PRKG1: variants seen among roughly 807,000 people sequenced by gnomAD.
PRKG1 encodes cGMP-dependent protein kinase 1.
In PRKG1, 35 loss-of-function variants were observed where a neutral mutation model predicts 88.1. The observed-to-expected ratio is 0.40, with a 90% CI of 0.30 to 0.53. PRKG1 has a LOEUF of 0.53. PRKG1 is among the 20% of genes least tolerant of loss of function. The pLI is 0.59. For missense variants in PRKG1, 540 were observed against 839.8 expected, an observed-to-expected ratio of 0.64 and a Z score of 4.41; for synonymous variants, 303 against 292.5, an observed-to-expected ratio of 1.04 and a Z score of -0.37.
intron 2 of PRKG1, among the ~76,000 whole-genome samples, chr10:51,410,787 A>G (rs192937525): frequency 6.6e-6 from 1 of 151,770 alleles, no homozygotes; most frequent in Admixed American, 6.6e-5. Context: ...TATAAAATAA[A>G]TATGTTAAAT....
intron 1 of PRKG1, among the ~76,000 whole-genome samples, chr10:51,065,384 ATCAAGACACATTAT>A (rs1425785805): frequency 6.6e-6 from 1 of 152,114 alleles, no homozygotes; most frequent in African/African-American, 2.4e-5. Flanking sequence ...GTAGTTGGAT[ATCAAGACACATTAT>A]TTCCTAGAAA....
chr10:52,155,483 C>A (rs530016107), intron 8 of PRKG1, among the ~76,000 whole-genome samples: 2 of 151,824 alleles, frequency 1.3e-5, no homozygotes, highest in Admixed American at 1.3e-4. Context: ...TGTAACCAGG[C>A]GTGTCCTACA....
chr10:51,242,471 G>A (rs569939478), intron 2 of PRKG1, among the ~76,000 whole-genome samples: 8 of 152,208 alleles, frequency 5.3e-5, no homozygotes, highest in African/African-American at 1.7e-4. Context: ...CCACTACATT[G>A]GTGCAGTAAA....
chr10:51,813,181 G>A (rs997307006), intron 4 of PRKG1, among the ~76,000 whole-genome samples: 4 of 152,114 alleles, frequency 2.6e-5, no homozygotes, highest in South Asian at 2.1e-4. Flanking sequence ...TAAGCCATTA[G>A]CACAAAAGCA....
At chr10:51,783,093 CA>C (rs1004865031) in intron 3 of PRKG1, among the ~76,000 whole-genome samples, 33 of 152,046 alleles carry the variant, frequency 2.2e-4, no homozygotes, top group African/African-American at 8.0e-4. Context: ...TAGAAAAAAA[CA>C]AAATAAAACT....
intron 8 of PRKG1, among the ~76,000 whole-genome samples, chr10:52,139,022 C>T (rs935577970): frequency 2.6e-5 from 4 of 151,980 alleles, no homozygotes; most frequent in African/African-American, 9.7e-5. Context: ...CTGGAGTTGG[C>T]AAACTAAAGA....
At chr10:51,676,861 A>G (rs910852524) in intron 3 of PRKG1, among the ~76,000 whole-genome samples, 1 of 152,204 alleles carries the variant, frequency 6.6e-6, no homozygotes, top group Non-Finnish European at 1.5e-5. Context: ...ATGTAATTAA[A>G]TGATCATCCT....
chr10:52,127,882 G>T (rs2132623984), intron 7 of PRKG1, among the ~76,000 whole-genome samples: 1 of 152,256 alleles, frequency 6.6e-6, no homozygotes, highest in South Asian at 2.1e-4. Context: ...ATTAGTGATT[G>T]ACCTGATATG....
chr10:51,941,040 AT>A (rs773149728), intron 5 of PRKG1, among the ~76,000 whole-genome samples: 8 of 151,962 alleles, frequency 5.3e-5, no homozygotes, highest in African/African-American at 9.7e-5. Flanking sequence ...TAGCAAAAAA[AT>A]CACTCTATTT....
intron 3 of PRKG1, among the ~76,000 whole-genome samples, chr10:51,509,756 C>T (rs552879588): frequency 6.6e-6 from 1 of 152,294 alleles, no homozygotes; most frequent in African/African-American, 2.4e-5. Flanking sequence ...GAGGTGGCTT[C>T]ATCTCCATTT....
chr10:52,025,074 T>A (rs1211058210), intron 5 of PRKG1, among the ~76,000 whole-genome samples: 3 of 152,262 alleles, frequency 2.0e-5, no homozygotes, highest in African/African-American at 7.2e-5. Context: ...ATTTCTCTGA[T>A]GACCAGTGAT....
At chr10:51,944,365 T>C (rs1242336562) in intron 5 of PRKG1, among the ~76,000 whole-genome samples, 3 of 152,126 alleles carry the variant, frequency 2.0e-5, no homozygotes, top group South Asian at 4.2e-4. Flanking sequence ...ATTAGTCTTG[T>C]TAGCAGTCTA....
chr10:51,159,164 A>G (rs981509834), intron 2 of PRKG1, among the ~76,000 whole-genome samples: 4 of 152,126 alleles, frequency 2.6e-5, no homozygotes, highest in Admixed American at 6.6e-5. Context: ...TCTTTATACA[A>G]TTAAATGATG....
At chr10:51,133,513 G>A (rs1845619814) in intron 1 of PRKG1, among the ~76,000 whole-genome samples, 1 of 152,154 alleles carries the variant, frequency 6.6e-6, no homozygotes, top group African/African-American at 2.4e-5. Context: ...ATGGAATCAT[G>A]GACAAACATT....
intron 3 of PRKG1, among the ~76,000 whole-genome samples, chr10:51,530,130 A>G (rs906373931): frequency 3.3e-5 from 5 of 152,162 alleles, no homozygotes; most frequent in Non-Finnish European, 5.9e-5. Context: ...TATAGTTTGC[A>G]TAAGAAAAAA....
chr10:51,010,463 T>C (rs1842980584), intron 1 of PRKG1, among the ~76,000 whole-genome samples: 1 of 152,234 alleles, frequency 6.6e-6, no homozygotes, highest in Non-Finnish European at 1.5e-5. Flanking sequence ...TGAAATTAAA[T>C]TCATCAATAA....
At chr10:51,603,798 G>A (rs1838680013) in intron 3 of PRKG1, among the ~76,000 whole-genome samples, 1 of 152,168 alleles carries the variant, frequency 6.6e-6, no homozygotes, top group Non-Finnish European at 1.5e-5. Context: ...ATGACATAGA[G>A]TGACTTTAGG....
intron 1 of PRKG1, among the ~76,000 whole-genome samples, chr10:51,123,128 A>AT (rs1845305312): frequency 6.6e-6 from 1 of 152,204 alleles, no homozygotes; most frequent in African/African-American, 2.4e-5. Context: ...TCTGCAATGA[A>AT]TAATACACCA....
intron 2 of PRKG1, among the ~76,000 whole-genome samples, chr10:51,238,300 G>T (rs893723628): frequency 6.6e-6 from 1 of 152,104 alleles, no homozygotes; most frequent in Non-Finnish European, 1.5e-5. Context: ...AAAAGTATTG[G>T]CCCGGCGAGA....
Sources: allele counts gnomAD v4.1 joint callset (sites outside exome capture counted in the v4.1 genomes callset), GRCh38; gene constraint gnomAD v4.1.1; transcripts MANE v1.5; gene names NCBI Gene and HGNC (gene_info 2026-07-23, HGNC 2026-07-21).